The following CADM2 variants were observed in gnomAD, a reference collection of about 807,000 sequenced individuals.
CADM2 encodes the protein cell adhesion molecule 2.
A neutral mutation model predicts 49.8 loss-of-function variants in CADM2; 12 were observed. The ratio of observed to expected loss-of-function variants is 0.24; its 90% CI spans 0.15 to 0.39. CADM2 has a LOEUF of 0.39. CADM2 is among the 10% of genes least tolerant of loss of function. CADM2 has a pLI of 1.00. For missense variants in CADM2, 378 were observed against 492.3 expected, an observed-to-expected ratio of 0.77 and a Z score of 2.20; for synonymous variants, 214 against 175.4, an observed-to-expected ratio of 1.22 and a Z score of -1.74.
At chr3:85,489,206 T>C (rs1361049777) in intron 1 of CADM2, among the ~76,000 whole-genome samples, 1 of 152,154 alleles carries the variant, frequency 6.6e-6, no homozygotes, top group East Asian at 1.9e-4. Context: ...AATTGAAGTC[T>C]GAAGGCATCT....
At chr3:85,443,645 A>G (rs2037310734) in intron 1 of CADM2, among the ~76,000 whole-genome samples, 1 of 152,112 alleles carries the variant, frequency 6.6e-6, no homozygotes, top group Admixed American at 6.6e-5. Context: ...TTTTCTACAC[A>G]ACTGATTAAC....
At chr3:85,110,173 A>G (rs1191805823) in intron 1 of CADM2, among the ~76,000 whole-genome samples, 1 of 151,934 alleles carries the variant, frequency 6.6e-6, no homozygotes, top group Non-Finnish European at 1.5e-5. Context: ...AAAGAAAAGA[A>G]AAATAACAAT....
intron 1 of CADM2, among the ~76,000 whole-genome samples, chr3:85,288,281 G>C (rs1327462078): frequency 6.6e-6 from 1 of 151,942 alleles, no homozygotes; most frequent in African/African-American, 2.4e-5. Flanking sequence ...AGTGTATATG[G>C]AATTATGAGT....
At chr3:85,152,963 CA>C (rs61549751) in intron 1 of CADM2, among the ~76,000 whole-genome samples, 1,113 of 80,444 alleles carry the variant, frequency 0.014, 5 homozygotes, top group African/African-American at 0.034. Flanking sequence ...GACTCCATCT[CA>C]AAAAAAAAAA....
At chr3:85,254,888 C>A (rs1404603844) in intron 1 of CADM2, among the ~76,000 whole-genome samples, 2 of 152,082 alleles carry the variant, frequency 1.3e-5, no homozygotes, top group Non-Finnish European at 2.9e-5. Context: ...TCCAGTGCTT[C>A]CCGTTTGCGG....
chr3:85,813,514 T>C (rs565969135), intron 3 of CADM2, among the ~76,000 whole-genome samples: 5 of 152,156 alleles, frequency 3.3e-5, no homozygotes, highest in Admixed American at 1.3e-4. Context: ...TTATAGTTTC[T>C]TTTGCTGTGC....
chr3:85,024,489 A>C (rs1320097724), intron 1 of CADM2, among the ~76,000 whole-genome samples: 1 of 152,098 alleles, frequency 6.6e-6, no homozygotes, highest in African/African-American at 2.4e-5. Flanking sequence ...CTGCTCGAGC[A>C]TAAATATGGT....
intron 1 of CADM2, among the ~76,000 whole-genome samples, chr3:85,403,102 G>A (rs1297337275): frequency 1.3e-5 from 2 of 151,984 alleles, no homozygotes; most frequent in Non-Finnish European, 2.9e-5. Flanking sequence ...ATTTTTGGAA[G>A]TATTAAGGTT....
chr3:85,316,905 G>T (rs2044478837), intron 1 of CADM2, among the ~76,000 whole-genome samples: 1 of 152,106 alleles, frequency 6.6e-6, no homozygotes, highest in African/African-American at 2.4e-5. Flanking sequence ...GTGGTTCCAG[G>T]GGTCTAGATG....
chr3:86,056,246 T>G (rs973116149), intron 8 of CADM2, among the ~76,000 whole-genome samples: 1 of 152,188 alleles, frequency 6.6e-6, no homozygotes, highest in East Asian at 1.9e-4. Context: ...TTGAGAGTAC[T>G]CTCTGGAGTT....
At chr3:85,894,837 G>A (rs1419476796) in intron 5 of CADM2, among the ~76,000 whole-genome samples, 1 of 152,204 alleles carries the variant, frequency 6.6e-6, no homozygotes, top group Non-Finnish European at 1.5e-5. Context: ...ATGCAGTGTT[G>A]AGCTTGTGGG....
At chr3:85,891,019 A>G (rs1046141151) in intron 5 of CADM2, among the ~76,000 whole-genome samples, 3 of 152,120 alleles carry the variant, frequency 2.0e-5, no homozygotes, top group Non-Finnish European at 4.4e-5. Context: ...CAATAGTGAG[A>G]CTTTTTTTTA....
At chr3:85,845,624 G>A (rs552566267) in intron 3 of CADM2, among the ~76,000 whole-genome samples, 1 of 152,144 alleles carries the variant, frequency 6.6e-6, no homozygotes, top group Non-Finnish European at 1.5e-5. Flanking sequence ...CCAGGCCAGA[G>A]TTGGAATACC....
At chr3:85,418,043 T>A (rs2035993444) in intron 1 of CADM2, among the ~76,000 whole-genome samples, 1 of 152,138 alleles carries the variant, frequency 6.6e-6, no homozygotes, top group Non-Finnish European at 1.5e-5. Context: ...AATACAAGTT[T>A]TATTATAAAC....
intron 2 of CADM2, among the ~76,000 whole-genome samples, chr3:85,738,429 T>C (rs1480297647): frequency 6.6e-6 from 1 of 152,202 alleles, no homozygotes; most frequent in Non-Finnish European, 1.5e-5. Context: ...AGATACAAGA[T>C]AGGTTTTCAA....
intron 3 of CADM2, among the ~76,000 whole-genome samples, chr3:85,849,442 C>CT (rs1220844519): frequency 6.6e-6 from 1 of 152,146 alleles, no homozygotes; most frequent in Non-Finnish European, 1.5e-5. Context: ...AACCACCATT[C>CT]TTTTCTCTTG....
intron 1 of CADM2, among the ~76,000 whole-genome samples, chr3:85,575,988 A>G (rs1240726088): frequency 1.3e-5 from 2 of 152,150 alleles, no homozygotes; most frequent in East Asian, 3.9e-4. Flanking sequence ...AGAGGTAATA[A>G]TAGTATTTTT....
intron 6 of CADM2, among the ~76,000 whole-genome samples, chr3:85,921,143 C>A (rs1158061953): frequency 6.6e-6 from 1 of 151,802 alleles, no homozygotes; most frequent in Non-Finnish European, 1.5e-5. Flanking sequence ...ATATCATATA[C>A]ATCTTGTTAA....
At chr3:85,572,343 T>C (rs968488581) in intron 1 of CADM2, among the ~76,000 whole-genome samples, 4 of 152,094 alleles carry the variant, frequency 2.6e-5, no homozygotes, top group Non-Finnish European at 5.9e-5. Flanking sequence ...CAAAGCTTTA[T>C]GTAAAAATAT....
Sources: gnomAD v4.1 joint callset for allele counts (sites outside exome capture counted in the v4.1 genomes callset) on GRCh38, gnomAD v4.1.1 for gene constraint, MANE v1.5 for transcripts, NCBI Gene and HGNC (gene_info 2026-07-23, HGNC 2026-07-21) for gene names.